NEK7: variants seen among roughly 807,000 people sequenced by gnomAD.
NEK7 encodes serine/threonine-protein kinase Nek7.
NEK7 carries 18 observed loss-of-function variants against 44.6 expected under a neutral mutation model. The ratio of observed to expected loss-of-function variants is 0.40; its 90% CI spans 0.28 to 0.60. The LOEUF (loss-of-function observed/expected upper bound fraction) is 0.60, where lower values mean the gene tolerates loss of function less well. Among genes scored for constraint, NEK7 ranks in the 20% least tolerant of loss-of-function variants. NEK7 has a pLI of 0.38. For synonymous variants in NEK7, 130 were observed against 121.1 expected (o/e 1.07, Z -0.48); for missense variants, 256 against 366.5 (o/e 0.70, Z 2.46).
chr1:198,308,393 G>T (rs1655078415), intron 9 of NEK7, among the ~76,000 whole-genome samples: 1 of 152,124 alleles, frequency 6.6e-6, no homozygotes, highest in Admixed American at 6.6e-5. Context: ...AAATCTCAAT[G>T]TGTCAGTATC....
intron 2 of NEK7, 32 bp downstream of exon 2, chr1:198,232,669 A>G (rs1275866162): frequency 7.7e-7 from 1 of 1,294,934 alleles, no homozygotes; most frequent in African/African-American, 1.5e-5. Flanking sequence ...GGGCAGAACT[A>G]TATATAATCT....
chr1:198,249,477 C>T (rs1206689072), intron 2 of NEK7, among the ~76,000 whole-genome samples: 3 of 152,100 alleles, frequency 2.0e-5, no homozygotes, highest in South Asian at 4.2e-4. Context: ...CTGACTTCCA[C>T]AATGGTTGAA....
intron 1 of NEK7, among the ~76,000 whole-genome samples, chr1:198,199,749 C>T (rs181091833): frequency 1.1e-3 from 170 of 152,110 alleles, no homozygotes; most frequent in Middle Eastern, 6.8e-3. Flanking sequence ...TAAAGTTACA[C>T]CAGACTTCTT....
At chr1:198,216,514 C>T (rs1665925912) in intron 1 of NEK7, among the ~76,000 whole-genome samples, 1 of 151,758 alleles carries the variant, frequency 6.6e-6, no homozygotes, top group South Asian at 2.1e-4. Context: ...CAATGTCACA[C>T]CTTCTTCTTA....
chr1:198,300,885 T>A (rs1393648951), intron 9 of NEK7, among the ~76,000 whole-genome samples: 1 of 152,188 alleles, frequency 6.6e-6, no homozygotes, highest in African/African-American at 2.4e-5. Flanking sequence ...AGTTTTCTTT[T>A]ATTGATATTA....
rs551186487 is a variant in NEK7, at chr1:198,299,475, T to C, written c.798+2235T>C. Among the ~76,000 whole-genome samples the C allele has an allele frequency of 1.3e-4, 19 of 150,358 alleles. No homozygotes were observed. The East Asian group carries it at 4.2e-3, about 33-fold the overall frequency. On this transcript the variant is annotated intron_variant, in intron 9 of 9. Coordinates refer to ENST00000367385, the MANE Select transcript of NEK7 (RefSeq NM_133494.3). ...ATCTTTTAAAAATCTAGAATATCAT[T>C]TAATTTGTTAGTATGGCAAAATACA...
intron 8 of NEK7, among the ~76,000 whole-genome samples, chr1:198,296,334 A>T (rs1189220646): frequency 6.6e-6 from 1 of 152,200 alleles, no homozygotes; most frequent in African/African-American, 2.4e-5. Context: ...CGAACATTTT[A>T]AATTGAATTT....
intron 1 of NEK7, among the ~76,000 whole-genome samples, chr1:198,204,717 CAAAAAAAAA>C (rs58273857): frequency 4.6e-5 from 4 of 87,870 alleles, no homozygotes; most frequent in African/African-American, 1.6e-4. Context: ...GACTCCGTCT[CAAAAAAAAA>C]AAAAAAAAAA....
intron 2 of NEK7, among the ~76,000 whole-genome samples, chr1:198,251,199 A>G (rs1652952748): frequency 6.6e-6 from 1 of 151,890 alleles, no homozygotes; most frequent in African/African-American, 2.4e-5. Flanking sequence ...CGTATACTGA[A>G]CCAGCCTTGC....
intron 9 of NEK7, among the ~76,000 whole-genome samples, chr1:198,311,160 T>C (rs1241393714): frequency 6.8e-6 from 1 of 147,516 alleles, no homozygotes; most frequent in African/African-American, 2.5e-5. Flanking sequence ...TCACATCCCT[T>C]GTAAGTTGGA....
chr1:198,252,567 T>TATATATATATATA (rs1307124157), intron 2 of NEK7, among the ~76,000 whole-genome samples: 2 of 50,994 alleles, frequency 3.9e-5, no homozygotes, highest in African/African-American at 2.7e-4. Flanking sequence ...TATATATATA[T>TATATATATATATA]AAAAAGTACA....
chr1:198,201,536 G>A (rs1665428605), intron 1 of NEK7, among the ~76,000 whole-genome samples: 2 of 152,152 alleles, frequency 1.3e-5, no homozygotes, highest in African/African-American at 4.8e-5. Context: ...CTTACTGTCT[G>A]ACCCTTTACC....
rs142078315 is a variant in NEK7 at position 198,252,777 on chromosome 1, A to G, written c.58-263A>G. Among the ~76,000 whole-genome samples, 458 of 151,590 alleles carry G rather than the reference A, an allele frequency of 3.0e-3. 3 individuals carry two copies. The highest frequency in any genetic ancestry group is 8.1e-3 in the Admixed American group (123 of 15,144). On this transcript the variant is annotated intron_variant, in intron 2 of 9. Transcript: ENST00000367385. ...TTAAAACACACATATATATATATGTATGTTTTAATGTATTCCTTGTTTATT... is the reference window on the plus strand; with the variant it reads ...TTAAAACACACATATATATATATGTGTGTTTTAATGTATTCCTTGTTTATT...
In NEK7 at chr1:198,320,801, T is replaced by C. The variant is rs1371766611; in HGVS notation, c.*1279T>C. ...GCCATGACTACAGCCAGAACTGTTA[T>C]GAGATTAACATTTCTATTGAGAAGC... On this transcript the variant is annotated 3_prime_UTR_variant, in exon 10 of 10. Transcript: ENST00000367385. 2 of 152,216 alleles carry C rather than the reference T, an allele frequency of 1.3e-5. No individual in the cohort carries two copies. The highest frequency in any genetic ancestry group is 4.8e-5 in the African/African-American group (2 of 41,464). 9.4% of individuals were successfully genotyped at this position (152,216 alleles called of 1,614,324 possible). A position where few individuals can be genotyped will look rare whatever the true frequency, so the allele number is the denominator to read the frequency against.
intron 2 of NEK7, among the ~76,000 whole-genome samples, chr1:198,250,073 G>T (rs1383728223): frequency 2.7e-5 from 4 of 147,814 alleles, no homozygotes; most frequent in African/African-American, 7.6e-5. Context: ...GTAAGGAAGG[G>T]ATCCAGTTTC....
At chr1:198,164,882 A>G (rs1664220227) in intron 1 of NEK7, among the ~76,000 whole-genome samples, 1 of 152,222 alleles carries the variant, frequency 6.6e-6, no homozygotes, top group Non-Finnish European at 1.5e-5. Context: ...AAAGTAGAAA[A>G]TCTTGTACAA....
At chr1:198,226,282 C>T (rs1245406319) in intron 1 of NEK7, among the ~76,000 whole-genome samples, 1 of 152,054 alleles carries the variant, frequency 6.6e-6, no homozygotes, top group Non-Finnish European at 1.5e-5. Context: ...TGATGGCTCA[C>T]CCCTGTAATC....
In NEK7 at chr1:198,278,081, T is replaced by C. The variant is rs113240903; in HGVS notation, c.481+12T>C. The C allele has an allele frequency of 1.8e-5, 24 of 1,343,746 alleles. No individual in the cohort carries two copies. The highest frequency in any genetic ancestry group is 1.7e-4 in the African/African-American group (12 of 69,590). 83.2% of individuals were successfully genotyped at this position (1,343,746 alleles called of 1,614,324 possible). A position where few individuals can be genotyped will look rare whatever the true frequency, so the allele number is the denominator to read the frequency against. On this transcript the variant is annotated intron_variant, in intron 6 of 9. Transcript: ENST00000367385. ...AGTCATGCATAGAGGTAAGATAAAATCATTAAGTACTTTTAATCTTGTTTT... is the reference window on the plus strand; with the variant it reads ...AGTCATGCATAGAGGTAAGATAAAACCATTAAGTACTTTTAATCTTGTTTT...
rs977098508 is a variant in NEK7 at position 198,172,397 on chromosome 1, A to G, written c.-29+15121A>G. On this transcript the variant is annotated intron_variant, in intron 1 of 9. Transcript: ENST00000367385. ...GGACAAGGATGTCTTTTCACCAAAG[A>G]TAAAGAGCTCTGCTCTCTTCTTCCG... 3.9e-5 allele frequency among the ~76,000 whole-genome samples: 6 copies of G among 152,224 alleles called. No homozygotes were observed. The South Asian group carries it at 6.2e-4, about 16-fold the overall frequency.
Sources: gnomAD v4.1 joint callset for allele counts (sites outside exome capture counted in the v4.1 genomes callset) on GRCh38, gnomAD v4.1.1 for gene constraint, MANE v1.5 for transcripts, NCBI Gene and HGNC (gene_info 2026-07-23, HGNC 2026-07-21) for gene names.